Variants in PTPRJ observed in about 807,000 individuals in gnomAD.
PTPRJ encodes the protein protein tyrosine phosphatase receptor type J, also known as receptor-type tyrosine-protein phosphatase eta.
A neutral mutation model predicts 141.3 loss-of-function variants in PTPRJ; 129 were observed. That is an observed-to-expected ratio of 0.91 (90% CI 0.79 to 1.06). PTPRJ has a LOEUF of 1.06. Ranked by LOEUF, PTPRJ falls within the 50% of genes least tolerant of loss-of-function variation. The pLI is 0.00. For missense variants in PTPRJ, 1,601 were observed against 1,679.7 expected (o/e 0.95, Z 0.82); for synonymous variants, 610 against 640.5 (o/e 0.95, Z 0.72).
chr11:47,997,241 A>G (rs1854361533), intron 1 of PTPRJ, among the ~76,000 whole-genome samples: 1 of 152,176 alleles, frequency 6.6e-6, no homozygotes, highest in Admixed American at 6.6e-5. Context: ...GATGTCCCCT[A>G]AAGGGCAAAC....
intron 9 of PTPRJ, 135 bp from the exon 10 acceptor site, chr11:48,136,868 A>G: frequency 1.1e-6 from 1 of 897,514 alleles, no homozygotes. Context: ...GAAGTTTTCC[A>G]TCTTTTGAGC....
At chr11:48,019,323 C>T (rs1855043662) in intron 1 of PTPRJ, among the ~76,000 whole-genome samples, 1 of 152,138 alleles carries the variant, frequency 6.6e-6, no homozygotes, top group Non-Finnish European at 1.5e-5. Context: ...GCGACAGCCT[C>T]TCCAGGCCTC....
intron 1 of PTPRJ, among the ~76,000 whole-genome samples, chr11:48,018,535 G>A (rs1440586414): frequency 1.3e-5 from 2 of 152,190 alleles, no homozygotes; most frequent in South Asian, 4.1e-4. Context: ...CCACATGTAA[G>A]TCATCATAAT....
At chr11:48,069,639 G>C (rs1855186328) in intron 1 of PTPRJ, among the ~76,000 whole-genome samples, 1 of 151,680 alleles carries the variant, frequency 6.6e-6, no homozygotes, top group Non-Finnish European at 1.5e-5. Context: ...TTTTAGTAGA[G>C]ACGGGGTTTC....
At chr11:48,092,544 T>C (rs745912289) in intron 1 of PTPRJ, among the ~76,000 whole-genome samples, 53 of 151,860 alleles carry the variant, frequency 3.5e-4, no homozygotes, top group Non-Finnish European at 6.3e-4. Context: ...ATTCTCTTGC[T>C]TCAGCCTCCC....
intron 1 of PTPRJ, among the ~76,000 whole-genome samples, chr11:47,984,761 G>A (rs1344222460): frequency 6.6e-6 from 1 of 151,816 alleles, no homozygotes; most frequent in African/African-American, 2.4e-5. Context: ...GTTTCACCAT[G>A]TTGGCCAGGC....
chr11:48,044,669 A>G (rs1854346963), intron 1 of PTPRJ: 2 of 152,050 alleles, frequency 1.3e-5, no homozygotes, highest in South Asian at 4.1e-4. Flanking sequence ...GACCGCAGCT[A>G]CTCTTCCAAG....
intron 1 of PTPRJ, among the ~76,000 whole-genome samples, chr11:47,990,450 T>A (rs546976270): frequency 4.6e-5 from 7 of 152,016 alleles, no homozygotes; most frequent in African/African-American, 1.7e-4. Flanking sequence ...TGAGGGGGAG[T>A]CTTGCTCTGT....
intron 1 of PTPRJ, among the ~76,000 whole-genome samples, chr11:48,105,453 G>T (rs1856264657): frequency 6.6e-6 from 1 of 152,172 alleles, no homozygotes; most frequent in Admixed American, 6.5e-5. Context: ...TGAATTGAAG[G>T]GTGGTGGCTT....
chr11:48,126,930 A>T (rs1298735560), intron 6 of PTPRJ, among the ~76,000 whole-genome samples: 1 of 152,144 alleles, frequency 6.6e-6, no homozygotes, highest in Non-Finnish European at 1.5e-5. Flanking sequence ...GGCACCCAAG[A>T]CACGACAGAA....
chr11:48,007,268 T>C (rs1468847084), intron 1 of PTPRJ, among the ~76,000 whole-genome samples: 3 of 115,052 alleles, frequency 2.6e-5, no homozygotes, highest in African/African-American at 7.3e-5. Flanking sequence ...GCCCGGCTAA[T>C]TTTTTGTATT....
chr11:48,147,242 T>G (rs1182864360), intron 15 of PTPRJ, among the ~76,000 whole-genome samples: 1 of 152,248 alleles, frequency 6.6e-6, no homozygotes, highest in East Asian at 1.9e-4. Flanking sequence ...TTTCATAGTA[T>G]TATGATGTTA....
chr11:48,114,368 G>T (rs1386424492), intron 3 of PTPRJ, among the ~76,000 whole-genome samples: 1 of 144,464 alleles, frequency 6.9e-6, no homozygotes, highest in African/African-American at 2.6e-5. Flanking sequence ...AACCCAGGAG[G>T]CAGAGGTTGC....
chr11:48,143,766 G>A (rs1857286012), intron 12 of PTPRJ, among the ~76,000 whole-genome samples: 1 of 147,360 alleles, frequency 6.8e-6, no homozygotes, highest in African/African-American at 2.5e-5. Flanking sequence ...TTGTTGTGGG[G>A]GTTCCCTCCT....
chr11:48,014,482 A>C (rs973231674), intron 1 of PTPRJ: 1 of 152,162 alleles, frequency 6.6e-6, no homozygotes, highest in African/African-American at 2.4e-5. Context: ...TTATTCAAAA[A>C]ATATTTGTTG....
intron 1 of PTPRJ, among the ~76,000 whole-genome samples, chr11:48,037,411 G>T (rs1341939638): frequency 1.3e-5 from 2 of 152,190 alleles, no homozygotes. Flanking sequence ...AGATGCCGTG[G>T]TCAGGAAGCT....
intron 4 of PTPRJ, 74 bp downstream of exon 4, chr11:48,121,340 A>C (rs1856703975): frequency 1.4e-5 from 21 of 1,480,342 alleles, no homozygotes; most frequent in Non-Finnish European, 1.8e-5. Context: ...TTGTCCGTTC[A>C]AGTTGCCTGT....
At chr11:48,096,241 T>G (rs1179303578) in intron 1 of PTPRJ, among the ~76,000 whole-genome samples, 1 of 152,162 alleles carries the variant, frequency 6.6e-6, no homozygotes, top group African/African-American at 2.4e-5. Flanking sequence ...ATGATGCTGG[T>G]CAGCAGGCAG....
chr11:48,103,466 CAAAAAACAAAACAAAAACAAATT>C (rs1331755890), intron 1 of PTPRJ, among the ~76,000 whole-genome samples: 2 of 151,776 alleles, frequency 1.3e-5, no homozygotes, highest in Admixed American at 6.6e-5. Context: ...CTCAAAAAAA[CAAAAAACAAAACAAAAACAAATT>C]AAAAAACAAA....
Sources: allele counts gnomAD v4.1 joint callset (sites outside exome capture counted in the v4.1 genomes callset), GRCh38; gene constraint gnomAD v4.1.1; transcripts MANE v1.5; gene names NCBI Gene and HGNC (gene_info 2026-07-23, HGNC 2026-07-21).